Variants in OSBPL6 observed in about 807,000 individuals in gnomAD.
The protein encoded by OSBPL6 is oxysterol-binding protein-related protein 6.
OSBPL6 carries 49 observed loss-of-function variants against 125.8 expected under a neutral mutation model. That is an observed-to-expected ratio of 0.39 (90% CI 0.31 to 0.49). The LOEUF is 0.49. OSBPL6 is among the 20% of genes least tolerant of loss of function. The probability of loss-of-function intolerance (pLI) is 0.88; values close to 1 mark genes in which losing one functional copy is unlikely to be tolerated. For missense variants in OSBPL6, 986 were observed against 1,135.4 expected (o/e 0.87, Z 1.89); for synonymous variants, 394 against 391.8 (o/e 1.01, Z -0.07).
intron 2 of OSBPL6, among the ~76,000 whole-genome samples, chr2:178,297,688 T>C (rs749954556): frequency 7.9e-5 from 12 of 152,190 alleles, no homozygotes; most frequent in Non-Finnish European, 1.5e-4. Context: ...CAGAAATATA[T>C]GTATGTGTAT....
intron 1 of OSBPL6, among the ~76,000 whole-genome samples, chr2:178,258,186 C>T (rs975931791): frequency 6.6e-5 from 10 of 151,842 alleles, no homozygotes; most frequent in Admixed American, 3.9e-4. Flanking sequence ...CCATGGCCTC[C>T]GCCTCCCCAA....
At chr2:178,380,456 CAAAAAA>C (rs60399092) in intron 15 of OSBPL6, among the ~76,000 whole-genome samples, 293 of 25,942 alleles carry the variant, frequency 0.011, 2 homozygotes, top group South Asian at 0.051. Flanking sequence ...GAGTCTGTCT[CAAAAAA>C]AAAAAAAAAA....
At chr2:178,330,138 A>T (rs1436671622) in intron 5 of OSBPL6, among the ~76,000 whole-genome samples, 4 of 152,148 alleles carry the variant, frequency 2.6e-5, no homozygotes, top group Non-Finnish European at 5.9e-5. Context: ...GTGTTTCCCC[A>T]AATTGATGGC....
At chr2:178,337,949 C>CTTTTTTTTT (rs755944128) in intron 9 of OSBPL6, among the ~76,000 whole-genome samples, 1 of 139,146 alleles carries the variant, frequency 7.2e-6, no homozygotes, top group Admixed American at 7.8e-5. Context: ...TCAGTATTCT[C>CTTTTTTTTT]TTTTTTTTTT....
At chr2:178,265,191 CTTTTTTTTTTTTTTTTTTTT>C (rs376718500) in intron 1 of OSBPL6, among the ~76,000 whole-genome samples, 37 of 33,732 alleles carry the variant, frequency 1.1e-3, no homozygotes, top group South Asian at 2.8e-3. Flanking sequence ...CCAGACGAGA[CTTTTTTTTTTTTTTTTTTTT>C]TTTTTTTTTT....
intron 1 of OSBPL6, among the ~76,000 whole-genome samples, chr2:178,203,682 G>T (rs547721713): frequency 1.3e-5 from 2 of 152,250 alleles, no homozygotes; most frequent in Non-Finnish European, 2.9e-5. Context: ...TTGCATTCCT[G>T]TAAATGTTCT....
At position 178,389,043 on chromosome 2, in the gene OSBPL6, A is replaced by G. The variant is rs1406125225; in HGVS notation, c.2191A>G (p.Thr731Ala). The change falls in exon 21 of 25, where the codon ACT (threonine) becomes GCT (alanine). Residue 731 changes from threonine to alanine, a missense_variant. Transcript: ENST00000190611. ...TTACTATGTGTGGAATAAAGTCACC[A>G]CTTGCATACACAACATCCTCAGTGG... is the stretch of plus-strand genomic sequence containing the variant. ...GDYYVWNKVT[T>A]CIHNILSGRR... is the part of the protein sequence containing the mutation. 6.2e-7 allele frequency: 1 copy of G among 1,614,000 alleles called. No homozygotes were observed. The highest frequency in any genetic ancestry group is 8.5e-7 in the Non-Finnish European group (1 of 1,179,956).
intron 1 of OSBPL6, among the ~76,000 whole-genome samples, chr2:178,204,323 C>A (rs1009611255): frequency 6.6e-6 from 1 of 152,192 alleles, no homozygotes; most frequent in African/African-American, 2.4e-5. Flanking sequence ...CCTGCCCGGC[C>A]TCACTGAATT....
chr2:178,199,326 T>A (rs1464031690), intron 1 of OSBPL6, among the ~76,000 whole-genome samples: 1 of 152,224 alleles, frequency 6.6e-6, no homozygotes, highest in Admixed American at 6.5e-5. Flanking sequence ...CGTCCTCTTC[T>A]CTTCCCCCTT....
chr2:178,228,754 C>G (rs2090686280), intron 1 of OSBPL6, among the ~76,000 whole-genome samples: 1 of 152,078 alleles, frequency 6.6e-6, no homozygotes. Context: ...GTGTATTTTA[C>G]ATTTACAGCA....
chr2:178,233,246 T>C (rs1391322130), intron 1 of OSBPL6, among the ~76,000 whole-genome samples: 1 of 152,224 alleles, frequency 6.6e-6, no homozygotes, highest in African/African-American at 2.4e-5. Flanking sequence ...AAAAGAATCC[T>C]TGAATTTGCT....
At chr2:178,207,668 G>T (rs1188809504) in intron 1 of OSBPL6, among the ~76,000 whole-genome samples, 1 of 152,152 alleles carries the variant, frequency 6.6e-6, no homozygotes, top group East Asian at 1.9e-4. Flanking sequence ...GTATGCAGGG[G>T]AAGTCACCTA....
At position 178,265,291 on chromosome 2, in the gene OSBPL6, A is replaced by G. The variant is rs1439831746; in HGVS notation, c.-350-19636A>G. Among the ~76,000 whole-genome samples the G allele has an allele frequency of 3.0e-5, 4 of 134,676 alleles. No individual in the cohort carries two copies. In the East Asian group the frequency reaches 8.7e-4, roughly 29 times the overall value. The allele number at this position is 134,676 out of a possible 152,430, so 88.4% of individuals were successfully genotyped here. A position where few individuals can be genotyped will look rare whatever the true frequency, so the allele number is the denominator to read the frequency against. On this transcript the variant is annotated intron_variant, in intron 1 of 24. Transcript: ENST00000190611. ...CAGTGGTACACTCATGGCTCACTGTAGCCTCAACCTTCTGGGCTCAAGTGA... is the reference window on the plus strand; with the variant it reads ...CAGTGGTACACTCATGGCTCACTGTGGCCTCAACCTTCTGGGCTCAAGTGA...
intron 12 of OSBPL6, among the ~76,000 whole-genome samples, chr2:178,358,142 T>C (rs1691991141): frequency 6.6e-6 from 1 of 152,094 alleles, no homozygotes; most frequent in Non-Finnish European, 1.5e-5. Flanking sequence ...AATGATGAGT[T>C]GATGGGTGCA....
intron 1 of OSBPL6, among the ~76,000 whole-genome samples, chr2:178,237,632 T>C (rs958242387): frequency 6.6e-5 from 10 of 152,198 alleles, no homozygotes; most frequent in African/African-American, 2.4e-4. Context: ...GTTGACATTT[T>C]GGGCTGGATA....
chr2:178,241,558 G>A (rs2153990478), intron 1 of OSBPL6, among the ~76,000 whole-genome samples: 1 of 152,044 alleles, frequency 6.6e-6, no homozygotes, highest in South Asian at 2.1e-4. Context: ...TGGGATTACA[G>A]GCTCGCACTA....
chr2:178,260,590 G>C (rs13406261), intron 1 of OSBPL6, among the ~76,000 whole-genome samples: 1 of 152,090 alleles, frequency 6.6e-6, no homozygotes. Flanking sequence ...ACAAGGGGTG[G>C]TGATTACTAC....
At chr2:178,378,399 C>G (rs931774068) in intron 15 of OSBPL6, among the ~76,000 whole-genome samples, 4 of 152,170 alleles carry the variant, frequency 2.6e-5, no homozygotes, top group African/African-American at 9.7e-5. Context: ...CATTAGCTGT[C>G]TTACATTAAC....
At chr2:178,215,862 A>G (rs964753965) in intron 1 of OSBPL6, among the ~76,000 whole-genome samples, 4 of 152,140 alleles carry the variant, frequency 2.6e-5, no homozygotes. Context: ...GGGGCAGGTG[A>G]AGGGGACAAA....
Sources: allele counts gnomAD v4.1 joint callset (sites outside exome capture counted in the v4.1 genomes callset), GRCh38; gene constraint gnomAD v4.1.1; transcripts MANE v1.5; gene names NCBI Gene and HGNC (gene_info 2026-07-23, HGNC 2026-07-21).